Variants in AGK observed in about 807,000 individuals in gnomAD.
AGK encodes the protein acylglycerol kinase, mitochondrial.
AGK carries 52 observed loss-of-function variants against 66.4 expected under a neutral mutation model. The observed-to-expected ratio is 0.78, with a 90% CI of 0.63 to 0.99. The LOEUF is 0.99. AGK is among the 50% of genes least tolerant of loss of function. The pLI is 0.00. For missense variants in AGK, 451 were observed against 506.6 expected (o/e 0.89, Z 1.05); for synonymous variants, 182 against 181.1 (o/e 1.00, Z -0.04).
At chr7:141,596,782 G>A in intron 4 of AGK, 141 bp downstream of exon 4, 1 of 683,306 alleles carries the variant, frequency 1.5e-6, no homozygotes, top group Non-Finnish European at 2.5e-6. Flanking sequence ...CATTTGTAAT[G>A]TAGAAATAAC....
chr7:141,612,364 A>C (rs1416424586), intron 6 of AGK, among the ~76,000 whole-genome samples: 3 of 152,182 alleles, frequency 2.0e-5, no homozygotes, highest in South Asian at 4.2e-4. Context: ...GGGCAGTGAA[A>C]CTATTCATTA....
chr7:141,607,143 A>T (rs1320554816), intron 5 of AGK, among the ~76,000 whole-genome samples: 4 of 152,080 alleles, frequency 2.6e-5, no homozygotes, highest in African/African-American at 9.7e-5. Flanking sequence ...GGGTGGACAT[A>T]AATAAGTTTT....
At chr7:141,607,974 A>T (rs1796499985) in intron 5 of AGK, among the ~76,000 whole-genome samples, 1 of 152,036 alleles carries the variant, frequency 6.6e-6, no homozygotes, top group Non-Finnish European at 1.5e-5. Context: ...ATCTTTTAAA[A>T]TTTTTATTCT....
intron 5 of AGK, among the ~76,000 whole-genome samples, chr7:141,606,732 T>A (rs1325624977): frequency 6.6e-6 from 1 of 152,218 alleles, no homozygotes; most frequent in Non-Finnish European, 1.5e-5. Context: ...TGCACAGTTC[T>A]ATGGGTTTTG....
Position 141,579,008 on chromosome 7 carries a change from G to A in AGK, c.102-14138G>A, listed in dbSNP as rs1405425675. Among the ~76,000 whole-genome samples, 7 of 152,022 alleles carry A rather than the reference G, an allele frequency of 4.6e-5. 1 individual carries two copies. The highest frequency in any genetic ancestry group is 1.5e-4 in the African/African-American group (6 of 41,316). On this transcript the variant is annotated intron_variant, in intron 2 of 15. Transcript: ENST00000649286. ...GTAAACAAGAGCAGGGCATTTATGAGTAGTTGAGAATGGTGAATAGGAGTA... is the reference window on the plus strand; with the variant it reads ...GTAAACAAGAGCAGGGCATTTATGAATAGTTGAGAATGGTGAATAGGAGTA...
chr7:141,638,435 T>G (rs942646888), intron 11 of AGK, among the ~76,000 whole-genome samples: 1 of 152,102 alleles, frequency 6.6e-6, no homozygotes, highest in Admixed American at 6.5e-5. Context: ...GCAATTTGAC[T>G]TTTATCCTTA....
intron 2 of AGK, among the ~76,000 whole-genome samples, chr7:141,590,028 T>C (rs1488921694): frequency 6.6e-6 from 1 of 152,212 alleles, no homozygotes; most frequent in African/African-American, 2.4e-5. Context: ...GATAAATTAA[T>C]CAAAATTAAT....
At chr7:141,584,310 T>C (rs772420185) in intron 2 of AGK, among the ~76,000 whole-genome samples, 2 of 152,042 alleles carry the variant, frequency 1.3e-5, no homozygotes, top group Non-Finnish European at 2.9e-5. Flanking sequence ...CACAAGGTAA[T>C]GTCATCAGTT....
At chr7:141,574,685 A>G (rs1028786497) in intron 2 of AGK, among the ~76,000 whole-genome samples, 3 of 152,212 alleles carry the variant, frequency 2.0e-5, no homozygotes, top group African/African-American at 7.2e-5. Flanking sequence ...GTCATTTCCC[A>G]TCCTGAACTG....
chr7:141,587,785 A>G (rs1214882938), intron 2 of AGK, among the ~76,000 whole-genome samples: 1 of 152,228 alleles, frequency 6.6e-6, no homozygotes, highest in Non-Finnish European at 1.5e-5. Flanking sequence ...TACCTGTTGA[A>G]TTGTCATCGT....
At chr7:141,592,530 C>T (rs1027855719) in intron 2 of AGK, among the ~76,000 whole-genome samples, 3 of 152,108 alleles carry the variant, frequency 2.0e-5, no homozygotes, top group African/African-American at 7.2e-5. Flanking sequence ...TGTAAAATCC[C>T]TCTTGCCATG....
intron 2 of AGK, among the ~76,000 whole-genome samples, chr7:141,559,847 T>G (rs1562957849): frequency 1.3e-5 from 2 of 152,218 alleles, no homozygotes; most frequent in Non-Finnish European, 1.5e-5. Flanking sequence ...TTTGATGCAA[T>G]TGTTAATGGG....
intron 1 of AGK, among the ~76,000 whole-genome samples, chr7:141,552,753 T>C (rs12703386): frequency 0.48 from 72,232 of 152,016 alleles, 17,375 homozygotes; most frequent in East Asian, 0.58. Context: ...ATAAGACCCT[T>C]CAGTGAGAGG....
At chr7:141,596,918 G>C (rs771750393) in intron 4 of AGK, 5 of 380,006 alleles carry the variant, frequency 1.3e-5, no homozygotes, top group African/African-American at 4.1e-5. Flanking sequence ...GTCCCCTCGG[G>C]AGCGACTGCT....
chr7:141,576,814 C>T (rs538698553), intron 2 of AGK, among the ~76,000 whole-genome samples: 18 of 151,744 alleles, frequency 1.2e-4, no homozygotes, highest in South Asian at 2.1e-4. Flanking sequence ...CTGAGGTGGG[C>T]GGATCACAAG....
chr7:141,606,032 C>T (rs1285038138), intron 5 of AGK, among the ~76,000 whole-genome samples: 1 of 152,204 alleles, frequency 6.6e-6, no homozygotes, highest in African/African-American at 2.4e-5. Context: ...CCAGGTCACA[C>T]TCCCTAGATA....
At chr7:141,594,002 T>C (rs971311628) in intron 3 of AGK, 1 of 152,524 alleles carries the variant, frequency 6.6e-6, no homozygotes, top group Non-Finnish European at 1.5e-5. Flanking sequence ...TTACAATAGA[T>C]ACTATAAATT....
Position 141,647,521 on chromosome 7 carries a change from G to A in AGK, c.976-1742G>A, listed in dbSNP as rs141786008. On this transcript the variant is annotated intron_variant, in intron 13 of 15. Transcript: ENST00000649286. ...CCCCTTGTGTGGATTGCTCATCCCC[G>A]GATTAGGGGTTCTCAAAGTCCAGTT... is the stretch of plus-strand genomic sequence containing the variant. Among the ~76,000 whole-genome samples, 1,316 of 152,178 alleles carry A rather than the reference G, an allele frequency of 8.6e-3. 8 individuals carry two copies. Among genetic ancestry groups the A allele is most frequent in the South Asian group, 0.017 (80 of 4,824 alleles).
At chr7:141,609,737 A>G (rs2116950663) in intron 5 of AGK, among the ~76,000 whole-genome samples, 1 of 152,282 alleles carries the variant, frequency 6.6e-6, no homozygotes, top group East Asian at 1.9e-4. Flanking sequence ...CCAACCCTCT[A>G]ATCACCTTGC....
Sources: allele counts gnomAD v4.1 joint callset (sites outside exome capture counted in the v4.1 genomes callset), GRCh38; gene constraint gnomAD v4.1.1; transcripts MANE v1.5; gene names NCBI Gene and HGNC (gene_info 2026-07-23, HGNC 2026-07-21).